Variants in PDE8A observed in about 807,000 individuals in gnomAD.
PDE8A encodes the protein high affinity cAMP-specific and IBMX-insensitive 3',5'-cyclic phosphodiesterase 8A.
Under a neutral mutation model 105.0 loss-of-function variants are expected in PDE8A, and 59 were observed. That is an observed-to-expected ratio of 0.56 (90% CI 0.46 to 0.70). PDE8A has a LOEUF of 0.70. PDE8A is among the 30% of genes least tolerant of loss of function. The probability of loss-of-function intolerance (pLI) is 0.00; values close to 1 mark genes in which losing one functional copy is unlikely to be tolerated. For missense variants in PDE8A, 1,014 were observed against 1,045.9 expected (o/e 0.97, Z 0.42); for synonymous variants, 355 against 371.9 (o/e 0.95, Z 0.52).
chr15:84,990,683 A>G (rs537471460), intron 1 of PDE8A, among the ~76,000 whole-genome samples: 19 of 152,252 alleles, frequency 1.2e-4, no homozygotes, highest in Non-Finnish European at 2.8e-4. Flanking sequence ...TAAAGCTACT[A>G]TGAATATTCT....
rs553235521 is a variant in PDE8A, at chr15:85,041,210, C to T, written c.187-23160C>T. Among the ~76,000 whole-genome samples, 23 of 152,288 alleles carry T rather than the reference C, an allele frequency of 1.5e-4. No homozygotes were observed. The East Asian group carries it at 3.7e-3, about 24-fold the overall frequency. ...TTGTTACTTTTAATGGGAAAAAATA[C>T]GATTCATTACAAGTCAACTCAACCC... On this transcript the variant is annotated intron_variant, in intron 1 of 21. Coordinates refer to ENST00000394553, the MANE Select transcript of PDE8A (RefSeq NM_002605.3).
chr15:85,096,871 G>A (rs987730836), intron 8 of PDE8A, among the ~76,000 whole-genome samples: 5 of 152,180 alleles, frequency 3.3e-5, no homozygotes, highest in East Asian at 3.9e-4. Context: ...TGATTCTATC[G>A]GAGTATTCTG....
chr15:85,004,277 A>G (rs954193964), intron 1 of PDE8A, among the ~76,000 whole-genome samples: 3 of 152,132 alleles, frequency 2.0e-5, no homozygotes, highest in Admixed American at 2.0e-4. Flanking sequence ...TGCCTCATTT[A>G]TTGGTTCAGT....
At chr15:85,006,046 A>T (rs2080141798) in intron 1 of PDE8A, among the ~76,000 whole-genome samples, 1 of 152,100 alleles carries the variant, frequency 6.6e-6, no homozygotes, top group East Asian at 1.9e-4. Flanking sequence ...ACTCAGGAGA[A>T]GTACAGTTTC....
At chr15:85,097,679 G>A (rs2081780209) in intron 8 of PDE8A, 1 of 329,728 alleles carries the variant, frequency 3.0e-6, no homozygotes, top group African/African-American at 2.2e-5. Flanking sequence ...CTTTATTTGG[G>A]GGTCCAGGAC....
intron 1 of PDE8A, among the ~76,000 whole-genome samples, chr15:85,016,161 T>A (rs1012943695): frequency 1.3e-4 from 20 of 152,138 alleles, no homozygotes; most frequent in Non-Finnish European, 1.3e-4. Context: ...ATAAATAAAA[T>A]TTAAAAAATG....
intron 5 of PDE8A, among the ~76,000 whole-genome samples, chr15:85,077,837 A>C (rs914294752): frequency 6.6e-6 from 1 of 152,170 alleles, no homozygotes; most frequent in Non-Finnish European, 1.5e-5. Flanking sequence ...AACAAAACTG[A>C]ATTGTAAGAA....
At chr15:84,991,333 A>G (rs1167630630) in intron 1 of PDE8A, among the ~76,000 whole-genome samples, 1 of 152,250 alleles carries the variant, frequency 6.6e-6, no homozygotes, top group Non-Finnish European at 1.5e-5. Flanking sequence ...AAAGGTTGGG[A>G]CAGGCACAGC....
intron 11 of PDE8A, among the ~76,000 whole-genome samples, chr15:85,108,616 C>G (rs979259454): frequency 2.6e-5 from 4 of 152,050 alleles, no homozygotes; most frequent in African/African-American, 9.7e-5. Flanking sequence ...ACCATACTAC[C>G]CTAGGAAAGA....
chr15:85,134,672 G>C (rs879574493), intron 20 of PDE8A, among the ~76,000 whole-genome samples: 1 of 152,174 alleles, frequency 6.6e-6, no homozygotes, highest in African/African-American at 2.4e-5. Flanking sequence ...CCCCAGCACC[G>C]TCAACACTTA....
intron 1 of PDE8A, among the ~76,000 whole-genome samples, chr15:84,996,809 G>C (rs1047607670): frequency 9.6e-6 from 1 of 103,738 alleles, no homozygotes; most frequent in Non-Finnish European, 1.8e-5. Context: ...CTGGACAACA[G>C]AGCAAGACTC....
chr15:85,057,170 A>T (rs2081073092), intron 1 of PDE8A, among the ~76,000 whole-genome samples: 1 of 152,108 alleles, frequency 6.6e-6, no homozygotes, highest in Admixed American at 6.5e-5. Flanking sequence ...ATCCCCTGGA[A>T]GCTTCGTCTC....
chr15:85,064,319 C>A, intron 1 of PDE8A, 51 bp from the exon 2 acceptor site: 1 of 1,369,406 alleles, frequency 7.3e-7, no homozygotes, highest in Non-Finnish European at 1.0e-6. Flanking sequence ...AAAAGTTAAG[C>A]TTCTCTTTCT....
chr15:85,082,694 C>T (rs915529772), intron 5 of PDE8A, among the ~76,000 whole-genome samples: 1 of 152,208 alleles, frequency 6.6e-6, no homozygotes, highest in Non-Finnish European at 1.5e-5. Context: ...CATCAGCTTC[C>T]TCTTCAGCCA....
At chr15:85,113,239 T>C in intron 12 of PDE8A, 138 bp from the exon 13 acceptor site, 1 of 739,924 alleles carries the variant, frequency 1.4e-6, no homozygotes, top group Admixed American at 1.9e-5. Context: ...CCCAGGCTTG[T>C]TAGGATGGGA....
At chr15:85,111,921 T>C (rs139099167) in intron 12 of PDE8A, among the ~76,000 whole-genome samples, 119 of 152,370 alleles carry the variant, frequency 7.8e-4, no homozygotes, top group African/African-American at 2.8e-3. Context: ...TTCTTAGGTA[T>C]TGATGGTTTT....
At chr15:85,016,222 C>T (rs897767276) in intron 1 of PDE8A, among the ~76,000 whole-genome samples, 2 of 152,246 alleles carry the variant, frequency 1.3e-5, no homozygotes, top group African/African-American at 4.8e-5. Flanking sequence ...AACAATATTT[C>T]CCCTAATATC....
chr15:85,035,200 T>A (rs1487519229), intron 1 of PDE8A, among the ~76,000 whole-genome samples: 2 of 31,532 alleles, frequency 6.3e-5, no homozygotes, highest in African/African-American at 4.7e-4. Context: ...GTATTTCCTT[T>A]TTTTTTTTTT....
chr15:85,072,778 A>G (rs55845542), intron 3 of PDE8A, among the ~76,000 whole-genome samples: 47,422 of 151,916 alleles, frequency 0.31, 7,999 homozygotes, highest in African/African-American at 0.45. Flanking sequence ...TGTGTGGCCA[A>G]AAGGATTCCT....
Sources: gnomAD v4.1 joint callset for allele counts (sites outside exome capture counted in the v4.1 genomes callset) on GRCh38, gnomAD v4.1.1 for gene constraint, MANE v1.5 for transcripts, NCBI Gene and HGNC (gene_info 2026-07-23, HGNC 2026-07-21) for gene names.